Variants in SERPINI1 observed in about 807,000 individuals in gnomAD.
SERPINI1 encodes the protein serpin family I member 1, also known as neuroserpin.
SERPINI1 carries 19 observed loss-of-function variants against 41.1 expected under a neutral mutation model. The ratio of observed to expected loss-of-function variants is 0.46; its 90% CI spans 0.32 to 0.68. The LOEUF (loss-of-function observed/expected upper bound fraction) is 0.68, where lower values mean the gene tolerates loss of function less well. Among genes scored for constraint, SERPINI1 ranks in the 30% least tolerant of loss-of-function variants. The probability of loss-of-function intolerance (pLI) is 0.03; values close to 1 mark genes in which losing one functional copy is unlikely to be tolerated. For missense variants in SERPINI1, 460 were observed against 479.2 expected, an observed-to-expected ratio of 0.96 and a Z score of 0.37; for synonymous variants, 138 against 156.6, an observed-to-expected ratio of 0.88 and a Z score of 0.89.
chr3:167,796,352 A>ATATTTTATTTTATTTATTT (rs1360343385), intron 5 of SERPINI1, among the ~76,000 whole-genome samples: 73 of 151,736 alleles, frequency 4.8e-4, no homozygotes, highest in African/African-American at 1.4e-3. Flanking sequence ...TCTATTTTTT[A>ATATTTTATTTTATTTATTT]TATTTTATTT....
chr3:167,753,803 T>TATC (rs2108536046), intron 1 of SERPINI1, among the ~76,000 whole-genome samples: 1 of 152,308 alleles, frequency 6.6e-6, no homozygotes, highest in South Asian at 2.1e-4. Flanking sequence ...ATCAGAAGAC[T>TATC]ATCAGTGTTG....
chr3:167,818,780 A>G (rs1712214045), intron 6 of SERPINI1, among the ~76,000 whole-genome samples: 1 of 152,212 alleles, frequency 6.6e-6, no homozygotes, highest in South Asian at 2.1e-4. Flanking sequence ...CATTTGGGAC[A>G]CAGGCTAGTA....
chr3:167,771,134 G>T (rs1009596053), intron 1 of SERPINI1, among the ~76,000 whole-genome samples: 11 of 152,098 alleles, frequency 7.2e-5, no homozygotes, highest in African/African-American at 2.7e-4. Flanking sequence ...AAAATTATAA[G>T]TACTTGTATC....
intron 1 of SERPINI1, among the ~76,000 whole-genome samples, chr3:167,773,591 T>C (rs926471623): frequency 3.9e-5 from 6 of 152,228 alleles, no homozygotes; most frequent in Admixed American, 3.3e-4. Context: ...TTTTAGTTGT[T>C]TGCCCACACT....
chr3:167,760,121 G>C (rs1294439804), intron 1 of SERPINI1, among the ~76,000 whole-genome samples: 1 of 152,000 alleles, frequency 6.6e-6, no homozygotes. Context: ...GACTTGTTGG[G>C]GGTCATCTTC....
chr3:167,746,186 G>A (rs972033839), intron 1 of SERPINI1, among the ~76,000 whole-genome samples: 2 of 152,030 alleles, frequency 1.3e-5, no homozygotes, highest in African/African-American at 4.8e-5. Context: ...AGTTTAATGG[G>A]GAAGGATATT....
intron 3 of SERPINI1, among the ~76,000 whole-genome samples, chr3:167,791,574 G>A (rs538454073): frequency 1.3e-5 from 2 of 152,230 alleles, no homozygotes; most frequent in South Asian, 2.1e-4. Flanking sequence ...TGCATATGAA[G>A]TAGATTCAAC....
In SERPINI1 at chr3:167,768,596, G is replaced by A. The variant is rs561812707; in HGVS notation, c.-18-20515G>A. On this transcript the variant is annotated intron_variant, in intron 1 of 8. Transcript: ENST00000446050. ...GTTTTACACTATAGCAATATAGCTA[G>A]CTACAGCCACAAAGAAAGTTGTTCT... Among the ~76,000 whole-genome samples the A allele has an allele frequency of 2.6e-5, 4 of 152,310 alleles. No individual in the cohort carries two copies. In the South Asian group the frequency reaches 8.3e-4, roughly 32 times the overall value.
Position 167,790,559 on chromosome 3 carries a change from C to G in SERPINI1, c.438C>G (p.Ala146=). The G allele has an allele frequency of 6.2e-7, 1 of 1,613,814 alleles. No individual in the cohort carries two copies. The highest frequency in any genetic ancestry group is 8.5e-7 in the Non-Finnish European group (1 of 1,179,842). ...ATGTGGACTTCAGTCAAAATGTAGC[C>G]GTGGCCAACTACATCAATAAGTGGG... ...VNHVDFSQNV[A]VANYINKWVE... Residue 146 remains alanine, a synonymous_variant, in exon 3 of 9, where the codon GCC becomes GCG. Transcript: ENST00000446050.
At chr3:167,790,681 T>A (rs1357943762) in intron 3 of SERPINI1, 79 bp downstream of exon 3, 1 of 1,076,172 alleles carries the variant, frequency 9.3e-7, no homozygotes, top group African/African-American at 1.6e-5. Flanking sequence ...TCCTCCTTGT[T>A]CCTTTTGCAT....
intron 1 of SERPINI1, among the ~76,000 whole-genome samples, chr3:167,752,186 C>A (rs1035231951): frequency 2.0e-5 from 3 of 152,104 alleles, no homozygotes; most frequent in African/African-American, 7.2e-5. Context: ...CCACACTCCC[C>A]AAAAACTCTA....
intron 6 of SERPINI1, 34 bp downstream of exon 6, chr3:167,807,375 T>C (rs1711684994): frequency 1.5e-6 from 2 of 1,294,282 alleles, no homozygotes; most frequent in Non-Finnish European, 2.2e-6. Flanking sequence ...AAAAATGTTA[T>C]TCCATAAGAG....
chr3:167,774,838 G>C lies in SERPINI1; in HGVS notation c.-18-14273G>C, dbSNP rs148074526. ...CCTGTCCCTGGTGCCCAAAAGGTTG[G>C]GGGCCACTGTTATAAAGTACAGCAA... On this transcript the variant is annotated intron_variant, in intron 1 of 8. Transcript: ENST00000446050. 3.3e-4 allele frequency among the ~76,000 whole-genome samples: 50 copies of C among 152,204 alleles called. No individual in the cohort carries two copies. The East Asian group carries it at 9.5e-3, about 29-fold the overall frequency.
intron 1 of SERPINI1, among the ~76,000 whole-genome samples, chr3:167,758,869 T>C (rs943030685): frequency 2.6e-5 from 4 of 152,236 alleles, no homozygotes; most frequent in African/African-American, 7.2e-5. Context: ...CTACTTTTTT[T>C]CAACTTCTTT....
intron 1 of SERPINI1, among the ~76,000 whole-genome samples, chr3:167,776,454 C>G (rs9864616): frequency 0.45 from 68,780 of 152,088 alleles, 16,571 homozygotes; most frequent in African/African-American, 0.62. Flanking sequence ...AAAAGCCTTT[C>G]GAATTCCAAA....
At chr3:167,795,069 G>T (rs1356695608) in intron 5 of SERPINI1, among the ~76,000 whole-genome samples, 1 of 151,574 alleles carries the variant, frequency 6.6e-6, no homozygotes, top group Non-Finnish European at 1.5e-5. Context: ...CTCACTTATT[G>T]GTTCATTCGG....
rs371899109 is a variant in SERPINI1, at chr3:167,779,205, A to C, written c.-18-9906A>C. Among the ~76,000 whole-genome samples, 10 of 152,302 alleles carry C rather than the reference A, an allele frequency of 6.6e-5. No homozygotes were observed. In the East Asian group the frequency reaches 1.2e-3, roughly 18 times the overall value. ...TTAAAAGAAAAATTTCTAGCTTAAA[A>C]ATTTTTTTAAACCGATTAAATGGTA... On this transcript the variant is annotated intron_variant, in intron 1 of 8. Coordinates refer to ENST00000446050, the MANE Select transcript of SERPINI1 (RefSeq NM_001122752.2).
chr3:167,760,348 A>AATATATATATATATATATATATATAT (rs35053492), intron 1 of SERPINI1, among the ~76,000 whole-genome samples: 4 of 147,508 alleles, frequency 2.7e-5, no homozygotes, highest in Admixed American at 1.4e-4. Flanking sequence ...ACTAATTTCA[A>AATATATATATATATATATATATATAT]ATATATATAT....
chr3:167,769,055 A>G (rs1209150608), intron 1 of SERPINI1, among the ~76,000 whole-genome samples: 2 of 152,020 alleles, frequency 1.3e-5, no homozygotes, highest in Non-Finnish European at 2.9e-5. Flanking sequence ...GTGCAGTGGC[A>G]TGATCTCAGC....
Sources: allele counts gnomAD v4.1 joint callset (sites outside exome capture counted in the v4.1 genomes callset), GRCh38; gene constraint gnomAD v4.1.1; transcripts MANE v1.5; gene names NCBI Gene and HGNC (gene_info 2026-07-23, HGNC 2026-07-21).